Variants in FAM135A observed in about 807,000 individuals in gnomAD.
The protein encoded by FAM135A is protein FAM135A.
In FAM135A, 79 loss-of-function variants were observed where a neutral mutation model predicts 146.8. The observed-to-expected ratio is 0.54, with a 90% CI of 0.45 to 0.65. The LOEUF is 0.65. FAM135A is among the 30% of genes least tolerant of loss of function. The probability of loss-of-function intolerance (pLI) is 0.00; values close to 1 mark genes in which losing one functional copy is unlikely to be tolerated. For synonymous variants in FAM135A, 562 were observed against 603.6 expected (o/e 0.93, Z 1.01); for missense variants, 1,623 against 1,758.2 (o/e 0.92, Z 1.38).
intron 2 of FAM135A, among the ~76,000 whole-genome samples, chr6:70,416,263 A>G (rs1767552990): frequency 6.6e-6 from 1 of 152,250 alleles, no homozygotes; most frequent in South Asian, 2.1e-4. Flanking sequence ...ACAGTGAAAC[A>G]GACACTGCAG....
At chr6:70,447,789 C>G (rs1776120001) in intron 4 of FAM135A, among the ~76,000 whole-genome samples, 1 of 152,150 alleles carries the variant, frequency 6.6e-6, no homozygotes, top group Non-Finnish European at 1.5e-5. Flanking sequence ...GGCAGCCTGA[C>G]TCGCTGATTT....
intron 2 of FAM135A, among the ~76,000 whole-genome samples, chr6:70,423,625 T>A (rs1198137040): frequency 1.3e-5 from 2 of 152,220 alleles, no homozygotes; most frequent in East Asian, 1.9e-4. Flanking sequence ...ATTACATGTT[T>A]CACTTCAGTT....
intron 2 of FAM135A, among the ~76,000 whole-genome samples, chr6:70,419,158 C>T (rs57343016): frequency 0.046 from 7,042 of 152,264 alleles, 362 homozygotes; most frequent in African/African-American, 0.11. Context: ...TGGTGGCTCA[C>T]GCCTGTAATC....
At chr6:70,423,657 C>G (rs372574462) in intron 2 of FAM135A, among the ~76,000 whole-genome samples, 1 of 152,174 alleles carries the variant, frequency 6.6e-6, no homozygotes, top group Non-Finnish European at 1.5e-5. Context: ...GATAGGATCA[C>G]TTGACATCAA....
intron 12 of FAM135A, among the ~76,000 whole-genome samples, chr6:70,507,762 A>G (rs1458207704): frequency 7.2e-5 from 11 of 152,076 alleles, no homozygotes. Flanking sequence ...GTTACAGGTG[A>G]CCCATACTAA....
chr6:70,488,513 A>G (rs1324824132), intron 10 of FAM135A, among the ~76,000 whole-genome samples: 1 of 146,396 alleles, frequency 6.8e-6, no homozygotes, highest in Non-Finnish European at 1.5e-5. Flanking sequence ...ATACATTTCT[A>G]TAAAACTGTA....
chr6:70,470,362 C>CTT (rs144416484), intron 5 of FAM135A, among the ~76,000 whole-genome samples: 6 of 151,346 alleles, frequency 4.0e-5, no homozygotes, highest in African/African-American at 1.5e-4. Context: ...ACTATTACTT[C>CTT]TTTTTTTTTG....
intron 20 of FAM135A, among the ~76,000 whole-genome samples, chr6:70,545,837 T>C (rs1798762535): frequency 6.6e-6 from 1 of 152,190 alleles, no homozygotes; most frequent in African/African-American, 2.4e-5. Flanking sequence ...ATGACTTGCC[T>C]GAGGTCACTT....
At chr6:70,533,310 A>G in intron 17 of FAM135A, 59 bp downstream of exon 17, 1 of 1,378,310 alleles carries the variant, frequency 7.3e-7, no homozygotes, top group South Asian at 1.3e-5. Context: ...TTCTACCTAA[A>G]TTTTGCCTTA....
chr6:70,525,166 C>G lies in FAM135A; in HGVS notation c.2082C>G (p.Pro694=). 1 of 1,585,102 alleles carries G rather than the reference C, an allele frequency of 6.3e-7. No homozygotes were observed. Among genetic ancestry groups the G allele is most frequent in the Non-Finnish European group, 8.5e-7 (1 of 1,169,614 alleles). The part of the protein sequence containing the change: ...QEEILVDNLL[P]NFESLESNGK... Reference sequence around the variant, plus strand: ...AAATACTTGTGGATAATTTACTACCCAACTTTGAGTCCTTAGAATCTAATG... The same window carrying G: ...AAATACTTGTGGATAATTTACTACCGAACTTTGAGTCCTTAGAATCTAATG... The change falls in exon 15 of 22, where the codon CCC becomes CCG. Residue 694 remains proline (P), a synonymous_variant. Transcript: ENST00000418814.
At chr6:70,500,762 T>C (rs1278522771) in intron 11 of FAM135A, among the ~76,000 whole-genome samples, 1 of 152,178 alleles carries the variant, frequency 6.6e-6, no homozygotes, top group African/African-American at 2.4e-5. Flanking sequence ...TGTTGCAGTT[T>C]ATTGGAGGTC....
intron 11 of FAM135A, among the ~76,000 whole-genome samples, chr6:70,492,195 G>C (rs1019940973): frequency 6.6e-6 from 1 of 151,634 alleles, no homozygotes; most frequent in African/African-American, 2.4e-5. Flanking sequence ...AGAATAAAAA[G>C]ACAAGTCAGA....
At chr6:70,454,106 C>T (rs1292469033) in intron 5 of FAM135A, among the ~76,000 whole-genome samples, 1 of 152,198 alleles carries the variant, frequency 6.6e-6, no homozygotes, top group Admixed American at 6.5e-5. Context: ...GATCACCATT[C>T]TAACTGGTGT....
chr6:70,430,401 C>T (rs868438179), intron 4 of FAM135A, among the ~76,000 whole-genome samples: 49 of 152,088 alleles, frequency 3.2e-4, no homozygotes, highest in African/African-American at 1.0e-3. Flanking sequence ...CACACTGTTA[C>T]TTCCACTGCA....
chr6:70,446,899 G>A lies in FAM135A; in HGVS notation c.78-5593G>A, dbSNP rs544347404. On this transcript the variant is annotated intron_variant, in intron 4 of 21. Coordinates refer to ENST00000418814, the MANE Select transcript of FAM135A (RefSeq NM_001162529.3). ...TGTTGACTTTGAGGGCTATATAATT[G>A]TTCTGGAATTAGAACTTGTGCTCCG... Among the ~76,000 whole-genome samples, 8 of 152,314 alleles carry A rather than the reference G, an allele frequency of 5.3e-5. No individual in the cohort carries two copies. In the East Asian group the frequency reaches 1.3e-3, roughly 26 times the overall value.
At chr6:70,554,628 T>G (rs1800476461) in intron 20 of FAM135A, among the ~76,000 whole-genome samples, 1 of 151,976 alleles carries the variant, frequency 6.6e-6, no homozygotes, top group Non-Finnish European at 1.5e-5. Flanking sequence ...TTGGGGGGTT[T>G]TTTTGGTTTT....
rs147844098 is a variant in FAM135A at position 70,558,708 on chromosome 6, C to T, written c.4343-1008C>T. 2.4e-4 allele frequency among the ~76,000 whole-genome samples: 36 copies of T among 152,172 alleles called. No individual in the cohort carries two copies. In the East Asian group the frequency reaches 6.0e-3, roughly 25 times the overall value. On this transcript the variant is annotated intron_variant, in intron 21 of 21. Coordinates refer to ENST00000418814, the MANE Select transcript of FAM135A (RefSeq NM_001162529.3). ...GTGCACGCCTGTGTGGTCCCAGCTACTTGGGAGGGTTAAGATGGAAGGATT... is the reference window on the plus strand; with the variant it reads ...GTGCACGCCTGTGTGGTCCCAGCTATTTGGGAGGGTTAAGATGGAAGGATT...
intron 11 of FAM135A, among the ~76,000 whole-genome samples, chr6:70,500,672 G>C (rs1788291632): frequency 6.6e-6 from 1 of 152,180 alleles, no homozygotes. Context: ...TTGTGTGGGG[G>C]TCCTTTTTGT....
chr6:70,476,157 T>C (rs1348097481), intron 7 of FAM135A, among the ~76,000 whole-genome samples: 1 of 152,160 alleles, frequency 6.6e-6, no homozygotes, highest in Non-Finnish European at 1.5e-5. Context: ...GTTGTTCTAG[T>C]TCATTAATTT....
Sources: allele counts gnomAD v4.1 joint callset (sites outside exome capture counted in the v4.1 genomes callset), GRCh38; gene constraint gnomAD v4.1.1; transcripts MANE v1.5; gene names NCBI Gene and HGNC (gene_info 2026-07-23, HGNC 2026-07-21).